The following NCKAP5 variants were observed in gnomAD, a reference collection of about 807,000 sequenced individuals.
NCKAP5 encodes NCK associated protein 5, also known as nck-associated protein 5.
In NCKAP5, 92 loss-of-function variants were observed where a neutral mutation model predicts 167.0. The ratio of observed to expected loss-of-function variants is 0.55; its 90% CI spans 0.47 to 0.66. The LOEUF is 0.66. Among genes scored for constraint, NCKAP5 ranks in the 30% least tolerant of loss-of-function variants. The pLI is 0.00. For missense variants in NCKAP5, 2,378 were observed against 2,315.0 expected, an observed-to-expected ratio of 1.03 and a Z score of -0.56; for synonymous variants, 891 against 877.4, an observed-to-expected ratio of 1.02 and a Z score of -0.27.
intron 6 of NCKAP5, among the ~76,000 whole-genome samples, chr2:133,042,459 G>T (rs898167041): frequency 6.6e-6 from 1 of 152,278 alleles, no homozygotes; most frequent in African/African-American, 2.4e-5. Context: ...TGAGCAGACA[G>T]TAAAACAATT....
intron 3 of NCKAP5, among the ~76,000 whole-genome samples, chr2:133,436,019 C>T (rs1690453940): frequency 6.6e-6 from 1 of 152,178 alleles, no homozygotes; most frequent in Non-Finnish European, 1.5e-5. Flanking sequence ...CACCCAGACC[C>T]TCAAGCAGGG....
chr2:133,239,622 T>C (rs1231140275), intron 4 of NCKAP5, among the ~76,000 whole-genome samples: 2 of 152,214 alleles, frequency 1.3e-5, no homozygotes, highest in East Asian at 3.8e-4. Flanking sequence ...AGAATTATTT[T>C]ACAGCCCATT....
chr2:132,860,182 C>T (rs954059083), intron 11 of NCKAP5, among the ~76,000 whole-genome samples: 1 of 152,192 alleles, frequency 6.6e-6, no homozygotes, highest in Non-Finnish European at 1.5e-5. Context: ...ATTACTAATG[C>T]TGGTCCCCAA....
At chr2:133,129,890 G>A in intron 6 of NCKAP5, 88 bp downstream of exon 6, 1 of 1,387,166 alleles carries the variant, frequency 7.2e-7, no homozygotes, top group Non-Finnish European at 9.5e-7. Context: ...CACAACAGAA[G>A]CTTACTCAAT....
the NCKAP5 span, among the ~76,000 whole-genome samples, chr2:133,574,450 A>C: frequency 6.6e-6 from 1 of 152,306 alleles, no homozygotes; most frequent in Non-Finnish European, 1.5e-5. Context: ...CCAGATGGCC[A>C]GCAGAGCCCT....
the NCKAP5 span, among the ~76,000 whole-genome samples, chr2:133,599,416 A>T: frequency 6.6e-6 from 1 of 152,302 alleles, no homozygotes; most frequent in Middle Eastern, 3.4e-3. Context: ...ACAGATACAA[A>T]GTACAGGATT....
At chr2:133,583,509 G>A in the NCKAP5 span, among the ~76,000 whole-genome samples, 31 of 152,220 alleles carry the variant, frequency 2.0e-4, 1 homozygote, top group Admixed American at 6.5e-4. Context: ...CCAATTAAAC[G>A]TCTTTTCTTT....
chr2:133,439,335 C>T (rs1256627872), intron 3 of NCKAP5, among the ~76,000 whole-genome samples: 3 of 152,166 alleles, frequency 2.0e-5, no homozygotes, highest in Non-Finnish European at 4.4e-5. Flanking sequence ...CAGATTGAAT[C>T]ATATTCAATT....
intron 4 of NCKAP5, among the ~76,000 whole-genome samples, chr2:133,214,248 T>G (rs1295618678): frequency 1.3e-5 from 2 of 152,196 alleles, no homozygotes; most frequent in African/African-American, 2.4e-5. Context: ...ATAACAGGCA[T>G]CATGCTGGGC....
At chr2:133,389,373 A>G (rs1687236359) in intron 3 of NCKAP5, among the ~76,000 whole-genome samples, 1 of 152,194 alleles carries the variant, frequency 6.6e-6, no homozygotes, top group African/African-American at 2.4e-5. Context: ...CAGACTGATT[A>G]TCCCTCCCAA....
chr2:133,012,941 T>G (rs1025969870), intron 6 of NCKAP5, among the ~76,000 whole-genome samples: 1 of 152,120 alleles, frequency 6.6e-6, no homozygotes, highest in Non-Finnish European at 1.5e-5. Context: ...TCACCATATC[T>G]CACACAGGCT....
At chr2:133,377,668 C>A (rs1435570134) in intron 3 of NCKAP5, among the ~76,000 whole-genome samples, 2 of 152,132 alleles carry the variant, frequency 1.3e-5, no homozygotes, top group African/African-American at 4.8e-5. Flanking sequence ...CCCTAATTTG[C>A]CTGGAAATAA....
chr2:133,636,018 A>AT, the NCKAP5 span, among the ~76,000 whole-genome samples: 2 of 152,238 alleles, frequency 1.3e-5, no homozygotes, highest in Non-Finnish European at 2.9e-5. Context: ...GAGCTTATGA[A>AT]CAGTAGTGTG....
chr2:132,844,601 G>C (rs1688533796), intron 11 of NCKAP5, among the ~76,000 whole-genome samples: 2 of 152,100 alleles, frequency 1.3e-5, no homozygotes, highest in Admixed American at 6.5e-5. Flanking sequence ...TTTAAGATAT[G>C]TTTCTAGGTC....
chr2:133,659,907 A>T, the NCKAP5 span, among the ~76,000 whole-genome samples: 28 of 152,340 alleles, frequency 1.8e-4, no homozygotes, highest in East Asian at 5.2e-3. Flanking sequence ...TGCATATTAT[A>T]CATATATAAG....
chr2:133,111,462 G>A (rs1305555401), intron 6 of NCKAP5, among the ~76,000 whole-genome samples: 1 of 152,172 alleles, frequency 6.6e-6, no homozygotes, highest in Admixed American at 6.5e-5. Flanking sequence ...ATCATTTGGG[G>A]TGAATGAGAG....
intron 7 of NCKAP5, among the ~76,000 whole-genome samples, chr2:132,982,916 C>T (rs528242733): frequency 6.6e-6 from 1 of 152,298 alleles, no homozygotes; most frequent in East Asian, 1.9e-4. Context: ...CAGACCACCA[C>T]TGATAGGGAC....
intron 4 of NCKAP5, among the ~76,000 whole-genome samples, chr2:133,245,209 C>T (rs1181001653): frequency 6.6e-6 from 1 of 152,098 alleles, no homozygotes; most frequent in Non-Finnish European, 1.5e-5. Flanking sequence ...AGACCCAGAC[C>T]AGGACATACC....
In NCKAP5 at chr2:133,033,012, C is replaced by A. The variant is rs554705456; in HGVS notation, c.342-38773G>T. ...AATCACTTCCCACCAGCTCCTCCCA[C>A]AACATTGGCAATTACGATTAGATAT... is the stretch of plus-strand genomic sequence containing the variant. On this transcript the variant is annotated intron_variant, in intron 6 of 19. Transcript: ENST00000409261. Among the ~76,000 whole-genome samples, 5 of 152,292 alleles carry A rather than the reference C, an allele frequency of 3.3e-5. No individual in the cohort carries two copies. In the East Asian group the frequency reaches 9.7e-4, roughly 29 times the overall value.
Sources: allele counts gnomAD v4.1 joint callset (sites outside exome capture counted in the v4.1 genomes callset), GRCh38; gene constraint gnomAD v4.1.1; transcripts MANE v1.5; gene names NCBI Gene and HGNC (gene_info 2026-07-23, HGNC 2026-07-21).